The following EIF2AK3 variants were observed in gnomAD, a reference collection of about 807,000 sequenced individuals.
EIF2AK3 encodes the protein eukaryotic translation initiation factor 2 alpha kinase 3, also known as eukaryotic translation initiation factor 2-alpha kinase 3.
Under a neutral mutation model 113.5 loss-of-function variants are expected in EIF2AK3, and 50 were observed. That is an observed-to-expected ratio of 0.44 (90% CI 0.35 to 0.56). The LOEUF (loss-of-function observed/expected upper bound fraction) is 0.56. Among genes scored for constraint, EIF2AK3 ranks in the 20% least tolerant of loss-of-function variants. The pLI, the probability that EIF2AK3 is intolerant of heterozygous loss-of-function variation, is 0.00. For synonymous variants in EIF2AK3, 448 were observed against 495.4 expected, an observed-to-expected ratio of 0.90 and a Z score of 1.27; for missense variants, 1,185 against 1,378.0, an observed-to-expected ratio of 0.86 and a Z score of 2.22.
At chr2:88,563,660 C>T (rs1248385163) in intron 14 of EIF2AK3, among the ~76,000 whole-genome samples, 1 of 152,080 alleles carries the variant, frequency 6.6e-6, no homozygotes, top group Non-Finnish European at 1.5e-5. Context: ...GATAGTTACC[C>T]AAGTGATATT....
At chr2:88,585,313 T>TG in intron 9 of EIF2AK3, among the ~76,000 whole-genome samples, 1 of 150,946 alleles carries the variant, frequency 6.6e-6, no homozygotes, top group South Asian at 2.1e-4. Flanking sequence ...TAGAACAGGC[T>TG]GGGGAGGGGA....
At chr2:88,587,932 T>G in intron 8 of EIF2AK3, 50 bp downstream of exon 8, 1 of 1,252,836 alleles carries the variant, frequency 8.0e-7, no homozygotes, top group South Asian at 1.4e-5. Context: ...TGAATTCTAT[T>G]AATTTCAAAT....
At chr2:88,572,463 AT>A (rs1185792629) in intron 13 of EIF2AK3, among the ~76,000 whole-genome samples, 2 of 152,200 alleles carry the variant, frequency 1.3e-5, no homozygotes, top group African/African-American at 4.8e-5. Context: ...CTGGCTAGGG[AT>A]TGTTGAGGGA....
At chr2:88,596,125 A>G (rs764044674) in intron 2 of EIF2AK3, among the ~76,000 whole-genome samples, 2 of 152,188 alleles carry the variant, frequency 1.3e-5, no homozygotes, top group Non-Finnish European at 2.9e-5. Flanking sequence ...TTCTAGGGCT[A>G]TTTTTATCAA....
At chr2:88,593,445 A>AAGTGTGTATT in intron 3 of EIF2AK3, 40 bp from the exon 4 acceptor site, 1 of 1,609,006 alleles carries the variant, frequency 6.2e-7, no homozygotes, top group Non-Finnish European at 8.5e-7. Context: ...GTAAAAGGAG[A>AAGTGTGTATT]CAACTCATAA....
chr2:88,623,593 A>G (rs990230613), intron 1 of EIF2AK3, among the ~76,000 whole-genome samples: 1 of 152,224 alleles, frequency 6.6e-6, no homozygotes, highest in Non-Finnish European at 1.5e-5. Flanking sequence ...AGCTGTTCAT[A>G]GTAAACGCTT....
chr2:88,612,892 G>C (rs188483673), intron 2 of EIF2AK3, among the ~76,000 whole-genome samples: 2 of 152,080 alleles, frequency 1.3e-5, no homozygotes, highest in South Asian at 4.1e-4. Context: ...TATAAAAGAA[G>C]GCCACAGGCA....
At chr2:88,601,298 T>C (rs1573413242) in intron 2 of EIF2AK3, among the ~76,000 whole-genome samples, 1 of 152,156 alleles carries the variant, frequency 6.6e-6, no homozygotes, top group Non-Finnish European at 1.5e-5. Flanking sequence ...CTTTATTTCC[T>C]ATATTTCCTG....
At chr2:88,601,239 C>A (rs182854374) in intron 2 of EIF2AK3, among the ~76,000 whole-genome samples, 1 of 152,346 alleles carries the variant, frequency 6.6e-6, no homozygotes, top group Non-Finnish European at 1.5e-5. Flanking sequence ...GATTATCTGT[C>A]CTATAGAATG....
chr2:88,620,181 T>G (rs1262830578), intron 1 of EIF2AK3, among the ~76,000 whole-genome samples: 2 of 152,298 alleles, frequency 1.3e-5, no homozygotes, highest in East Asian at 3.9e-4. Flanking sequence ...CTGCTTGGTG[T>G]GGCACATAAA....
intron 2 of EIF2AK3, among the ~76,000 whole-genome samples, chr2:88,610,891 C>T: frequency 6.8e-6 from 1 of 146,036 alleles, no homozygotes; most frequent in East Asian, 2.0e-4. Context: ...TCTGTCTCCA[C>T]AAAAAAAAAA....
At chr2:88,611,443 G>T (rs1316510865) in intron 2 of EIF2AK3, among the ~76,000 whole-genome samples, 2 of 151,986 alleles carry the variant, frequency 1.3e-5, no homozygotes, top group African/African-American at 4.8e-5. Flanking sequence ...AAGAATTTGG[G>T]GCAGCAGTAA....
chr2:88,588,376 G>A (rs1573403801), intron 7 of EIF2AK3, among the ~76,000 whole-genome samples: 1 of 152,108 alleles, frequency 6.6e-6, no homozygotes, highest in African/African-American at 2.4e-5. Context: ...AAAGAAGTAG[G>A]TGCACAGTAT....
chr2:88,564,838 A>G (rs1373436689), intron 14 of EIF2AK3, among the ~76,000 whole-genome samples: 2 of 152,220 alleles, frequency 1.3e-5, no homozygotes, highest in Non-Finnish European at 2.9e-5. Flanking sequence ...GTGTAATGGG[A>G]TGGACCCAGG....
chr2:88,592,044 G>A (rs754468411), intron 4 of EIF2AK3, among the ~76,000 whole-genome samples: 1 of 152,020 alleles, frequency 6.6e-6, no homozygotes, highest in African/African-American at 2.4e-5. Flanking sequence ...ACACTGCATC[G>A]GATCAGACAA....
At chr2:88,596,377 A>C (rs1270170816) in intron 2 of EIF2AK3, among the ~76,000 whole-genome samples, 1 of 152,222 alleles carries the variant, frequency 6.6e-6, no homozygotes, top group Non-Finnish European at 1.5e-5. Flanking sequence ...CAAAGCAAAC[A>C]AATCACTGCC....
chr2:88,563,774 TATATTTTA>T (rs1262647633), intron 14 of EIF2AK3, among the ~76,000 whole-genome samples: 1 of 152,210 alleles, frequency 6.6e-6, no homozygotes, highest in Non-Finnish European at 1.5e-5. Context: ...GGGAAATACT[TATATTTTA>T]ATATTGTATC....
chr2:88,559,512 G>GTA (rs1410562668), intron 15 of EIF2AK3, among the ~76,000 whole-genome samples: 4 of 144,332 alleles, frequency 2.8e-5, no homozygotes, highest in Non-Finnish European at 4.6e-5. Context: ...CAAGATGACT[G>GTA]TGTGTGTGTG....
In EIF2AK3 at chr2:88,613,854, C is replaced by G; in HGVS notation, c.309-1G>C. ...TAAAGTGCTGATAATTACTAATGAC[C>G]TGTAAATATTAAAAATATTTTTAAA... is the stretch of plus-strand genomic sequence containing the variant. On this transcript the variant is annotated splice_acceptor_variant, in intron 1 of 16. Coordinates refer to ENST00000303236, the MANE Select transcript of EIF2AK3 (RefSeq NM_004836.7). LOFTEE classifies it high-confidence loss of function. The G allele has an allele frequency of 2.5e-6, 4 of 1,609,162 alleles. No homozygotes were observed. Among genetic ancestry groups the G allele is most frequent in the Non-Finnish European group, 2.5e-6 (3 of 1,176,570 alleles).
Sources: gnomAD v4.1 joint callset for allele counts (sites outside exome capture counted in the v4.1 genomes callset) on GRCh38, gnomAD v4.1.1 for gene constraint, MANE v1.5 for transcripts, NCBI Gene and HGNC (gene_info 2026-07-23, HGNC 2026-07-21) for gene names.